MDGA2: variants seen among roughly 807,000 people sequenced by gnomAD.
MDGA2 encodes MAM domain containing glycosylphosphatidylinositol anchor 2.
A neutral mutation model predicts 117.8 loss-of-function variants in MDGA2; 40 were observed. The ratio of observed to expected loss-of-function variants is 0.34; its 90% CI spans 0.26 to 0.44. The LOEUF (loss-of-function observed/expected upper bound fraction) is 0.44, where lower values mean the gene tolerates loss of function less well. MDGA2 is among the 20% of genes least tolerant of loss of function. The pLI is 1.00. For synonymous variants in MDGA2, 452 were observed against 439.0 expected (o/e 1.03, Z -0.37); for missense variants, 1,123 against 1,250.6 (o/e 0.90, Z 1.54).
At chr14:47,261,208 T>A (rs1887785132) in intron 2 of MDGA2, among the ~76,000 whole-genome samples, 1 of 152,136 alleles carries the variant, frequency 6.6e-6, no homozygotes, top group Non-Finnish European at 1.5e-5. Flanking sequence ...AATATCATGT[T>A]CTTCAGGCTT....
intron 1 of MDGA2, among the ~76,000 whole-genome samples, chr14:47,642,137 A>T (rs1486634125): frequency 2.0e-5 from 3 of 152,060 alleles, no homozygotes; most frequent in Admixed American, 6.6e-5. Context: ...TTATTTATGA[A>T]TAAGGAATGG....
intron 1 of MDGA2, among the ~76,000 whole-genome samples, chr14:47,338,527 A>G (rs916995374): frequency 6.6e-6 from 1 of 152,002 alleles, no homozygotes; most frequent in Non-Finnish European, 1.5e-5. Flanking sequence ...TATGTTTGGA[A>G]TCATAACCAA....
chr14:47,229,643 A>T (rs894823493), intron 2 of MDGA2, among the ~76,000 whole-genome samples: 2 of 151,970 alleles, frequency 1.3e-5, no homozygotes, highest in African/African-American at 4.8e-5. Context: ...TAGAAATGCT[A>T]TATTTTAAAA....
intron 10 of MDGA2, among the ~76,000 whole-genome samples, chr14:46,909,965 T>C (rs1022732348): frequency 1.3e-5 from 2 of 152,140 alleles, no homozygotes; most frequent in African/African-American, 4.8e-5. Flanking sequence ...AGCTTTCCTA[T>C]TTTGTTTATA....
chr14:46,895,053 G>A (rs1883023561), intron 10 of MDGA2, among the ~76,000 whole-genome samples: 1 of 152,108 alleles, frequency 6.6e-6, no homozygotes, highest in Admixed American at 6.6e-5. Flanking sequence ...ATATCCAGGA[G>A]GTAGTAATAA....
At chr14:47,223,768 G>A (rs1219158723) in intron 2 of MDGA2, among the ~76,000 whole-genome samples, 1 of 152,016 alleles carries the variant, frequency 6.6e-6, no homozygotes, top group Admixed American at 6.6e-5. Context: ...CCCAAGACTA[G>A]GTAATTTATA....
At chr14:47,106,826 T>G (rs1381763786) in intron 5 of MDGA2, among the ~76,000 whole-genome samples, 22 of 142,600 alleles carry the variant, frequency 1.5e-4, no homozygotes, top group Admixed American at 1.5e-3. Flanking sequence ...ATAACTGTTG[T>G]GGGTATTGAC....
intron 8 of MDGA2, among the ~76,000 whole-genome samples, chr14:46,964,848 C>A (rs1215355155): frequency 1.3e-5 from 2 of 149,830 alleles, no homozygotes; most frequent in Non-Finnish European, 3.0e-5. Flanking sequence ...GAGAAATTTC[C>A]TTTTAAGTGG....
At chr14:47,446,879 C>T (rs1566461231) in intron 1 of MDGA2, among the ~76,000 whole-genome samples, 1 of 152,014 alleles carries the variant, frequency 6.6e-6, no homozygotes, top group Non-Finnish European at 1.5e-5. Flanking sequence ...TTTATTTCAG[C>T]CCCCCTCTAT....
At chr14:47,082,307 C>T (rs938308606) in intron 6 of MDGA2, among the ~76,000 whole-genome samples, 1 of 137,998 alleles carries the variant, frequency 7.2e-6, no homozygotes, top group Non-Finnish European at 1.5e-5. Flanking sequence ...GCAACCTGAA[C>T]TTGAGAGATC....
In MDGA2 at chr14:47,074,640, A is replaced by G. The variant is rs550307248; in HGVS notation, c.1196-13062T>C. 7.5e-4 allele frequency among the ~76,000 whole-genome samples: 114 copies of G among 152,292 alleles called. 1 individual carries two copies. The highest frequency in any genetic ancestry group is 2.7e-3 in the African/African-American group (111 of 41,560). On this transcript the variant is annotated intron_variant, in intron 6 of 16. Coordinates refer to ENST00000399232, the MANE Select transcript of MDGA2 (RefSeq NM_001113498.3). ...TTGCCAGGGAGAATATGTTCTGAGGAGCAGCAGCTCAGTCCAAACTCCTGC... is the reference window on the plus strand; with the variant it reads ...TTGCCAGGGAGAATATGTTCTGAGGGGCAGCAGCTCAGTCCAAACTCCTGC...
intron 8 of MDGA2, among the ~76,000 whole-genome samples, chr14:47,017,183 T>C (rs1293887848): frequency 6.6e-6 from 1 of 151,796 alleles, no homozygotes; most frequent in African/African-American, 2.4e-5. Flanking sequence ...TTTCCTGACT[T>C]CATGCTCCTT....
At chr14:47,291,097 A>G (rs2139773807) in intron 2 of MDGA2, among the ~76,000 whole-genome samples, 1 of 152,298 alleles carries the variant, frequency 6.6e-6, no homozygotes, top group Non-Finnish European at 1.5e-5. Context: ...TTTATCCAAC[A>G]TCAAAGCAGC....
At chr14:47,553,501 C>T (rs1371166658) in intron 1 of MDGA2, among the ~76,000 whole-genome samples, 1 of 151,968 alleles carries the variant, frequency 6.6e-6, no homozygotes, top group African/African-American at 2.4e-5. Context: ...GTTTAAATAG[C>T]TAATTTTTTC....
chr14:47,360,574 A>C (rs954256620), intron 1 of MDGA2, among the ~76,000 whole-genome samples: 1 of 152,086 alleles, frequency 6.6e-6, no homozygotes. Context: ...AAGAGATAAC[A>C]AGTATTGACA....
In MDGA2 at chr14:47,324,650, T is replaced by G. The variant is rs554299338; in HGVS notation, c.281-23100A>C. Among the ~76,000 whole-genome samples, 46 of 152,282 alleles carry G rather than the reference T, an allele frequency of 3.0e-4. No individual in the cohort carries two copies. The South Asian group carries it at 8.7e-3, about 29-fold the overall frequency. ...TGCAAAGATCACAAATTCATGCATTTTTTTTTGACTATGAACCTTTGTCTA... is the reference window on the plus strand; with the variant it reads ...TGCAAAGATCACAAATTCATGCATTGTTTTTTGACTATGAACCTTTGTCTA... On this transcript the variant is annotated intron_variant, in intron 1 of 16. Coordinates refer to ENST00000399232, the MANE Select transcript of MDGA2 (RefSeq NM_001113498.3).
intron 8 of MDGA2, among the ~76,000 whole-genome samples, chr14:47,028,651 C>T (rs1888558106): frequency 6.6e-6 from 1 of 151,978 alleles, no homozygotes; most frequent in Non-Finnish European, 1.5e-5. Context: ...TTAGCTAGGA[C>T]TTAAATGGCA....
intron 1 of MDGA2, among the ~76,000 whole-genome samples, chr14:47,605,897 G>A (rs1033245568): frequency 2.0e-5 from 3 of 151,908 alleles, no homozygotes; most frequent in African/African-American, 7.3e-5. Context: ...GTGTGGCCTT[G>A]GTTTATCTCA....
Position 47,086,374 on chromosome 14 carries a change from G to A in MDGA2, c.1195+10480C>T, listed in dbSNP as rs534963879. Among the ~76,000 whole-genome samples the A allele has an allele frequency of 1.0e-3, 152 of 152,130 alleles. 1 individual carries two copies. Among genetic ancestry groups the A allele is most frequent in the African/African-American group, 3.6e-3 (148 of 41,544 alleles). ...TACATCTATTTAGAAATCATTGGAA[G>A]CATTTAGAATGAGCACTGACATTGG... On this transcript the variant is annotated intron_variant, in intron 6 of 16. Transcript: ENST00000399232.
Sources: allele counts gnomAD v4.1 joint callset (sites outside exome capture counted in the v4.1 genomes callset), GRCh38; gene constraint gnomAD v4.1.1; transcripts MANE v1.5; gene names NCBI Gene and HGNC (gene_info 2026-07-23, HGNC 2026-07-21).